Variants in CNTN3 observed in about 807,000 individuals in gnomAD.
CNTN3 encodes contactin-3.
In CNTN3, 60 loss-of-function variants were observed where a neutral mutation model predicts 119.1. The ratio of observed to expected loss-of-function variants is 0.50; its 90% CI spans 0.41 to 0.62. The LOEUF is 0.62. Ranked by LOEUF, CNTN3 falls within the 20% of genes least tolerant of loss-of-function variation. The pLI is 0.00. For missense variants in CNTN3, 1,101 were observed against 1,242.4 expected (o/e 0.89, Z 1.71); for synonymous variants, 450 against 438.7 (o/e 1.03, Z -0.32).
chr3:74,443,758 T>C (rs1575730377), intron 4 of CNTN3, among the ~76,000 whole-genome samples: 1 of 152,304 alleles, frequency 6.6e-6, no homozygotes, highest in East Asian at 1.9e-4. Context: ...TATTAATAGA[T>C]TCCTTAACAG....
chr3:74,317,743 C>T (rs571584303), intron 13 of CNTN3, among the ~76,000 whole-genome samples: 41 of 152,164 alleles, frequency 2.7e-4, no homozygotes, highest in African/African-American at 8.4e-4. Flanking sequence ...GTGGGTAACC[C>T]GACCTTTCTC....
At chr3:74,424,785 G>T in intron 5 of CNTN3, 60 bp downstream of exon 5, 3 of 1,340,146 alleles carry the variant, frequency 2.2e-6, no homozygotes, top group Non-Finnish European at 3.2e-6. Flanking sequence ...CAGTACATGC[G>T]CTGCAGGCCT....
At chr3:74,389,747 G>T (rs1402372310) in intron 5 of CNTN3, among the ~76,000 whole-genome samples, 5 of 152,102 alleles carry the variant, frequency 3.3e-5, no homozygotes, top group African/African-American at 4.8e-5. Context: ...CTAAGTCCCT[G>T]CTCCTCAAAT....
chr3:74,359,144 G>A (rs981201984), intron 11 of CNTN3, among the ~76,000 whole-genome samples: 18 of 152,002 alleles, frequency 1.2e-4, no homozygotes, highest in Non-Finnish European at 2.4e-4. Flanking sequence ...AAGACAGCAG[G>A]GCCTGCATCC....
At chr3:74,431,939 C>T (rs1046697770) in intron 4 of CNTN3, among the ~76,000 whole-genome samples, 3 of 152,166 alleles carry the variant, frequency 2.0e-5, no homozygotes, top group Non-Finnish European at 4.4e-5. Flanking sequence ...CTATTTGATG[C>T]TATGAGGTGA....
At chr3:74,353,624 C>T (rs1703867217) in intron 11 of CNTN3, among the ~76,000 whole-genome samples, 1 of 151,996 alleles carries the variant, frequency 6.6e-6, no homozygotes, top group South Asian at 2.1e-4. Context: ...GGCGTGGTGG[C>T]AGGCGCCTGT....
rs1704332592 is a variant in CNTN3, at chr3:74,371,326, C to T, written c.528G>A (p.Gln176=). ...VEEDSRRFVS[Q]ETGHLYISKV... The stretch of plus-strand genomic sequence containing the variant: ...TAGATATGTAGAGGTGCCCTGTCTC[C>T]TGGGAGACAAATCTCCGACTATCTT... The change falls in exon 6 of 23, where the codon CAG becomes CAA. Residue 176 remains glutamine, a synonymous_variant. Transcript: ENST00000263665. The T allele has an allele frequency of 6.2e-7, 1 of 1,613,442 alleles. No homozygotes were observed. Among genetic ancestry groups the T allele is most frequent in the Non-Finnish European group, 8.5e-7 (1 of 1,179,618 alleles).
chr3:74,373,565 C>T (rs184281603), intron 5 of CNTN3, among the ~76,000 whole-genome samples: 3 of 152,064 alleles, frequency 2.0e-5, no homozygotes, highest in Admixed American at 2.0e-4. Context: ...AGTCAGAAAA[C>T]CTAAAATCTG....
chr3:74,372,370 C>A (rs1015685798), intron 5 of CNTN3, among the ~76,000 whole-genome samples: 1 of 152,022 alleles, frequency 6.6e-6, no homozygotes, highest in Non-Finnish European at 1.5e-5. Context: ...AATCAGTTTT[C>A]TGCAAAGGAA....
intron 1 of CNTN3, among the ~76,000 whole-genome samples, chr3:74,539,316 G>C (rs1249047432): frequency 6.6e-6 from 1 of 152,128 alleles, no homozygotes. Context: ...AAAGTCAAAT[G>C]CTGATGGTAA....
intron 5 of CNTN3, among the ~76,000 whole-genome samples, chr3:74,392,829 G>A (rs1704949340): frequency 1.3e-5 from 2 of 151,962 alleles, no homozygotes; most frequent in African/African-American, 4.8e-5. Flanking sequence ...TTGAATTTAG[G>A]TTTAACATTC....
intron 20 of CNTN3, among the ~76,000 whole-genome samples, chr3:74,284,952 A>C (rs550128208): frequency 6.6e-6 from 1 of 152,346 alleles, no homozygotes; most frequent in Non-Finnish European, 1.5e-5. Flanking sequence ...CATTAATTTT[A>C]ACTTATTCAT....
intron 13 of CNTN3, among the ~76,000 whole-genome samples, chr3:74,331,253 T>A (rs779495772): frequency 2.0e-5 from 3 of 152,158 alleles, no homozygotes; most frequent in Non-Finnish European, 2.9e-5. Flanking sequence ...ACTGTACCAT[T>A]TCAATGTTTA....
At chr3:74,424,030 A>C (rs1462589015) in intron 5 of CNTN3, among the ~76,000 whole-genome samples, 3 of 152,190 alleles carry the variant, frequency 2.0e-5, no homozygotes, top group Non-Finnish European at 2.9e-5. Context: ...ACTTCTGGTC[A>C]GAAAGATCCA....
At chr3:74,318,614 T>C (rs1158324294) in intron 13 of CNTN3, among the ~76,000 whole-genome samples, 1 of 152,210 alleles carries the variant, frequency 6.6e-6, no homozygotes, top group African/African-American at 2.4e-5. Flanking sequence ...CTCCAGACCC[T>C]GTTTGCCTGG....
chr3:74,363,560 C>T (rs1019452928), intron 10 of CNTN3, among the ~76,000 whole-genome samples: 1 of 152,032 alleles, frequency 6.6e-6, no homozygotes, highest in Admixed American at 6.6e-5. Flanking sequence ...ACTTGCTGAC[C>T]ATATGGATTG....
chr3:74,480,513 T>C (rs1259351899), intron 4 of CNTN3, among the ~76,000 whole-genome samples: 1 of 151,824 alleles, frequency 6.6e-6, no homozygotes, highest in African/African-American at 2.4e-5. Context: ...AAAAAATCAG[T>C]AAGCGGCAAT....
intron 18 of CNTN3, among the ~76,000 whole-genome samples, chr3:74,295,691 A>G (rs1383660071): frequency 1.3e-5 from 2 of 152,194 alleles, no homozygotes; most frequent in African/African-American, 2.4e-5. Flanking sequence ...AGAGAGGCCT[A>G]CAGAGACAAC....
At chr3:74,520,185 A>G (rs1277963604) in intron 2 of CNTN3, among the ~76,000 whole-genome samples, 1 of 148,382 alleles carries the variant, frequency 6.7e-6, no homozygotes, top group Non-Finnish European at 1.5e-5. Flanking sequence ...TTTAGGAGTA[A>G]TGCTTTTTAT....
Sources: allele counts gnomAD v4.1 joint callset (sites outside exome capture counted in the v4.1 genomes callset), GRCh38; gene constraint gnomAD v4.1.1; transcripts MANE v1.5; gene names NCBI Gene and HGNC (gene_info 2026-07-23, HGNC 2026-07-21).